Variants in ZNF646 observed in about 807,000 individuals in gnomAD.
ZNF646 encodes zinc finger protein 646.
ZNF646 carries 49 observed loss-of-function variants against 115.4 expected under a neutral mutation model. That is an observed-to-expected ratio of 0.42 (90% CI 0.34 to 0.54). The LOEUF (loss-of-function observed/expected upper bound fraction) is 0.54. Ranked by LOEUF, ZNF646 falls within the 20% of genes least tolerant of loss-of-function variation. The pLI, the probability that ZNF646 is intolerant of heterozygous loss-of-function variation, is 0.04. For synonymous variants in ZNF646, 933 were observed against 939.0 expected (o/e 0.99, Z 0.12); for missense variants, 2,269 against 2,457.9 (o/e 0.92, Z 1.62).
Position 31,079,189 on chromosome 16 carries a change from G to T in ZNF646, c.2865G>T (p.Gly955=). The change falls in exon 2 of 3, where the codon GGG becomes GGT. Residue 955 remains glycine, a synonymous_variant. Transcript: ENST00000300850. This position sits in a 1 kb window ranked among gnomAD's most constrained non-coding sequence, Gnocchi z 5.5. ...QREVEALDSA[G]YGHICGCCGQ... is the part of the protein sequence containing the mutation. ...AGGTGGAAGCGCTGGACAGTGCAGG[G>T]TATGGGCACATCTGTGGCTGCTGTG... 2 of 1,613,574 alleles carry T rather than the reference G, an allele frequency of 1.2e-6. No homozygotes were observed. The highest frequency in any genetic ancestry group is 1.7e-6 in the Non-Finnish European group (2 of 1,180,034).
chr16:31,083,510 C>T lies in ZNF646; in HGVS notation c.*418C>T. On this transcript the variant is annotated 3_prime_UTR_variant, in exon 3 of 3. Coordinates refer to ENST00000300850, the MANE Select transcript of ZNF646 (RefSeq NM_014699.4). ...CCCCCAAAAAAAGAAATTTTCAAAA[C>T]AACGTGGCTGGCGTGATTGTATCTG... is the stretch of plus-strand genomic sequence containing the variant. 7.5e-7 allele frequency: 1 copy of T among 1,336,528 alleles called. No individual in the cohort carries two copies. Among genetic ancestry groups the T allele is most frequent in the Non-Finnish European group, 9.6e-7 (1 of 1,040,132 alleles). The allele number at this position is 1,336,528 out of a possible 1,614,324, so 82.8% of individuals were successfully genotyped here.
Position 31,083,896 on chromosome 16 carries a change from C to G in ZNF646, c.*804C>G. 6.4e-7 allele frequency: 1 copy of G among 1,563,374 alleles called. No individual in the cohort carries two copies. The highest frequency in any genetic ancestry group is 8.7e-7 in the Non-Finnish European group (1 of 1,149,350). On this transcript the variant is annotated 3_prime_UTR_variant, in exon 3 of 3. Transcript: ENST00000300850. ...TCCCCATTCCTCGAAGGAACAGGGT[C>G]TGTCTTGGCCGCCATGACAGATGAG...
In ZNF646 at chr16:31,081,652, C is replaced by T. The variant is rs764501778; in HGVS notation, c.5328C>T (p.Phe1776=). 3.7e-6 allele frequency: 6 copies of T among 1,605,832 alleles called. No homozygotes were observed. The African/African-American group carries it at 4.0e-5, about 11-fold the overall frequency. The change falls in exon 2 of 3, where the codon TTC becomes TTT. Residue 1776 remains phenylalanine (F), a synonymous_variant. Transcript: ENST00000300850. ...CPRHFRRRIS[F]VQHQQQHQEE... ...GCCACTTCCGCCGCCGAATCAGCTTCGTGCAGCACCAGCAGCAGCACCAGG... is the reference window on the plus strand; with the variant it reads ...GCCACTTCCGCCGCCGAATCAGCTTTGTGCAGCACCAGCAGCAGCACCAGG...
In ZNF646 at chr16:31,080,192, C is replaced by G. The variant is rs368825645; in HGVS notation, c.3868C>G (p.Arg1290Gly). The G allele has an allele frequency of 1.9e-5, 31 of 1,609,024 alleles. No homozygotes were observed. The African/African-American group carries it at 2.8e-4, about 15-fold the overall frequency. ...GGAACGGCGTGGGGGTGGGGGCACC[C>G]GAAAGGCGACTCGGGAAGATCGGCC... ...HMERRGGGGT[R>G]KATREDRPFR... Residue 1290 changes from arginine (R) to glycine (G), a missense_variant, in exon 2 of 3, where the codon CGA (arginine) becomes GGA (glycine). Physicochemically the swap from Arg to Gly is moderately radical, Grantham distance 125. Coordinates refer to ENST00000300850, the MANE Select transcript of ZNF646 (RefSeq NM_014699.4).
In ZNF646 at chr16:31,080,005, C is replaced by T. The variant is rs781152870; in HGVS notation, c.3681C>T (p.Thr1227=). 42 of 1,603,536 alleles carry T rather than the reference C, an allele frequency of 2.6e-5. No homozygotes were observed. The highest frequency in any genetic ancestry group is 2.4e-4 in the South Asian group (22 of 90,464). The change falls in exon 2 of 3, where the codon ACC becomes ACT. Residue 1227 remains threonine, a synonymous_variant. Coordinates refer to ENST00000300850, the MANE Select transcript of ZNF646 (RefSeq NM_014699.4). ...SLINHRQSHQ[T]GHFGCQACSK... ...TCAACCACCGGCAGAGCCACCAGAC[C>T]GGCCACTTTGGCTGTCAGGCCTGCT...
Position 31,081,160 on chromosome 16 carries a change from C to G in ZNF646, c.4836C>G (p.Ser1612Arg), listed in dbSNP as rs1207765795. Residue 1612 changes from serine (S) to arginine (R), a missense_variant, in exon 2 of 3, where the codon AGC becomes AGG. Physicochemically the swap from Ser to Arg is moderately radical, Grantham distance 110. Around this residue, in one of 5 missense-constraint regions of ZNF646, gnomAD observed 1,062 missense variants for 1,172.8 expected, o/e 0.91. Coordinates refer to ENST00000300850, the MANE Select transcript of ZNF646 (RefSeq NM_014699.4). ...SHLQAHARGH[S>R]QVPAQMEEAR... ...TGCAGGCTCATGCCCGGGGCCACAGCCAGGTGCCAGCCCAGATGGAGGAGG... is the reference window on the plus strand; with the variant it reads ...TGCAGGCTCATGCCCGGGGCCACAGGCAGGTGCCAGCCCAGATGGAGGAGG... The G allele has an allele frequency of 6.3e-7, 1 of 1,598,552 alleles. No homozygotes were observed. The highest frequency in any genetic ancestry group is 1.1e-5 in the South Asian group (1 of 89,464).
At position 31,078,343 on chromosome 16, in the gene ZNF646, G is replaced by T. The variant is rs142327798; in HGVS notation, c.2019G>T (p.Arg673=). Residue 673 remains arginine (R), a synonymous_variant, in exon 2 of 3, where the codon CGG becomes CGT. Coordinates refer to ENST00000300850, the MANE Select transcript of ZNF646 (RefSeq NM_014699.4). The stretch of plus-strand genomic sequence containing the variant: ...GGCACAGTCGGCGGCGGAGCAGGCG[G>T]CATCGGAAGCGGGCTGGCGGTGCCA... ...LRRHSRRRSR[R]HRKRAGGASG... is the part of the protein sequence containing the mutation. 2.4e-4 allele frequency: 388 copies of T among 1,613,384 alleles called. 2 individuals are homozygous for T. The Admixed American group carries it at 4.2e-3, about 18-fold the overall frequency.
Position 31,076,828 on chromosome 16 carries a change from C to T in ZNF646, c.504C>T (p.Thr168=). 6.2e-7 allele frequency: 1 copy of T among 1,614,130 alleles called. No individual in the cohort carries two copies. The highest frequency in any genetic ancestry group is 1.3e-5 in the African/African-American group (1 of 75,044). Residue 168 remains threonine (T), a synonymous_variant, in exon 2 of 3, where the codon ACC becomes ACT. Coordinates refer to ENST00000300850, the MANE Select transcript of ZNF646 (RefSeq NM_014699.4). ...AASGTWEDLP[T]RQREGLASHP... is the part of the protein sequence containing the mutation. Reference sequence around the variant, plus strand: ...CGGGTACGTGGGAAGATCTGCCCACCAGACAAAGAGAAGGCTTGGCAAGCC... The same window carrying T: ...CGGGTACGTGGGAAGATCTGCCCACTAGACAAAGAGAAGGCTTGGCAAGCC...
rs2057109946 is a variant in ZNF646 at position 31,078,599 on chromosome 16, G to C, written c.2275G>C (p.Glu759Gln). The C allele has an allele frequency of 1.9e-6, 3 of 1,613,700 alleles. No homozygotes were observed. The highest frequency in any genetic ancestry group is 2.2e-5 in the East Asian group (1 of 44,872). Reference protein sequence around the residue: ...QGDKESGGTGEGLERKDASLL... With the variant: ...QGDKESGGTGQGLERKDASLL... ...TGATAAAGAGAGCGGAGGCACTGGG[G>C]AAGGACTGGAAAGGAAGGATGCCAG... The change falls in exon 2 of 3, where the codon GAA becomes CAA. Residue 759 changes from glutamate (E) to glutamine (Q), a missense_variant. Coordinates refer to ENST00000300850, the MANE Select transcript of ZNF646 (RefSeq NM_014699.4).
chr16:31,079,859 G>T lies in ZNF646; in HGVS notation c.3535G>T (p.Gly1179Trp). ...EEVWEETTVK[G>W]EEIEPRLETA... ...GGTGTGGGAGGAGACCACTGTGAAG[G>T]GGGAGGAGATAGAGCCCAGGCTGGA... The change falls in exon 2 of 3, where the codon GGG becomes TGG. Residue 1179 changes from glycine (G) to tryptophan (W), a missense_variant. Gly to Trp is a radical substitution (Grantham distance 184). Around this residue, in one of 5 missense-constraint regions of ZNF646, gnomAD observed 1,062 missense variants for 1,172.8 expected, o/e 0.91. Transcript: ENST00000300850. The surrounding 1 kb of genome is among the most constrained non-coding windows in gnomAD (Gnocchi z 5.5). 1.9e-6 allele frequency: 3 copies of T among 1,613,226 alleles called. No homozygotes were observed. Among genetic ancestry groups the T allele is most frequent in the Non-Finnish European group, 2.5e-6 (3 of 1,179,440 alleles).
At position 31,078,033 on chromosome 16, in the gene ZNF646, A is replaced by T; in HGVS notation, c.1709A>T (p.Asp570Val). 1 of 1,614,184 alleles carries T rather than the reference A, an allele frequency of 6.2e-7. No individual in the cohort carries two copies. The highest frequency in any genetic ancestry group is 8.5e-7 in the Non-Finnish European group (1 of 1,180,038). Residue 570 changes from aspartate (D) to valine (V), a missense_variant, in exon 2 of 3, where the codon GAC becomes GTC. Asp to Val is a radical substitution (Grantham distance 152). Coordinates refer to ENST00000300850, the MANE Select transcript of ZNF646 (RefSeq NM_014699.4). ...GCCACGGACATCACCCCAGCAGCAG[A>T]CAAGACAGCAGCACATATCTGTAGC... ...EEATDITPAA[D>V]KTAAHICSIC...
chr16:31,083,228 G>T lies in ZNF646; in HGVS notation c.*136G>T. ...CCCTTGTGAAGAGGACCCAGATCTGGCTTCTTTCCCAAGGAGGGGGTGGGG... is the reference window on the plus strand; with the variant it reads ...CCCTTGTGAAGAGGACCCAGATCTGTCTTCTTTCCCAAGGAGGGGGTGGGG... On this transcript the variant is annotated 3_prime_UTR_variant, in exon 3 of 3. Coordinates refer to ENST00000300850, the MANE Select transcript of ZNF646 (RefSeq NM_014699.4). 7.5e-7 allele frequency: 1 copy of T among 1,342,054 alleles called. No homozygotes were observed. Among genetic ancestry groups the T allele is most frequent in the Non-Finnish European group, 9.9e-7 (1 of 1,007,870 alleles). The allele number at this position is 1,342,054 out of a possible 1,614,324, so 83.1% of individuals were successfully genotyped here.
In ZNF646 at chr16:31,080,196, A is replaced by G. The variant is rs946919593; in HGVS notation, c.3872A>G (p.Lys1291Arg). ...MERRGGGGTR[K>R]ATREDRPFRC... ...CGGCGTGGGGGTGGGGGCACCCGAA[A>G]GGCGACTCGGGAAGATCGGCCCTTC... The change falls in exon 2 of 3, where the codon AAG (lysine) becomes AGG (arginine). Residue 1291 changes from lysine to arginine, a missense_variant. Lys to Arg is a conservative substitution (Grantham distance 26). Coordinates refer to ENST00000300850, the MANE Select transcript of ZNF646 (RefSeq NM_014699.4). 6.2e-7 allele frequency: 1 copy of G among 1,608,718 alleles called. No homozygotes were observed. The highest frequency in any genetic ancestry group is 1.7e-5 in the Admixed American group (1 of 59,802).
rs1218801405 is a variant in ZNF646 at position 31,079,546 on chromosome 16, C to T, written c.3222C>T (p.His1074=). ...GGSLVNHRKI[H]QTGDFLCPVC... ...GCCTGGTGAACCACCGCAAGATCCACCAGACTGGAGACTTTCTCTGCCCTG... is the reference window on the plus strand; with the variant it reads ...GCCTGGTGAACCACCGCAAGATCCATCAGACTGGAGACTTTCTCTGCCCTG... The change falls in exon 2 of 3, where the codon CAC becomes CAT. Residue 1074 remains histidine (H), a synonymous_variant. Transcript: ENST00000300850. The surrounding 1 kb of genome is among the most constrained non-coding windows in gnomAD (Gnocchi z 5.5). The T allele has an allele frequency of 1.2e-6, 2 of 1,613,412 alleles. No homozygotes were observed. The highest frequency in any genetic ancestry group is 1.7e-6 in the Non-Finnish European group (2 of 1,180,036).
chr16:31,079,590 C>A lies in ZNF646; in HGVS notation c.3266C>A (p.Pro1089His). Residue 1089 changes from proline (P) to histidine (H), a missense_variant, in exon 2 of 3, where the codon CCC becomes CAC. Transcript: ENST00000300850. The surrounding 1 kb of genome is among the most constrained non-coding windows in gnomAD (Gnocchi z 5.5). ...FLCPVCSRCY[P>H]NLAAYRNHLR... ...TGCCCTGTCTGCTCCCGCTGCTACC[C>A]CAACCTGGCTGCCTACCGTAATCAT... The A allele has an allele frequency of 6.2e-7, 1 of 1,613,398 alleles. No individual in the cohort carries two copies. The highest frequency in any genetic ancestry group is 2.2e-5 in the East Asian group (1 of 44,882).
rs1156503359 is a variant in ZNF646, at chr16:31,083,166, CAGG to C, written c.*77_*79del. Reference sequence around the variant, plus strand: ...GAGGGGCTTGATCTCCACATTTTCTCAGGAGTAGTTCGGGCATCCCCATATCTT... The same window carrying C: ...GAGGGGCTTGATCTCCACATTTTCTCAGTAGTTCGGGCATCCCCATATCTT... On this transcript the variant is annotated 3_prime_UTR_variant, in exon 3 of 3. Coordinates refer to ENST00000300850, the MANE Select transcript of ZNF646 (RefSeq NM_014699.4). 7.8e-6 allele frequency: 12 copies of C among 1,539,254 alleles called. No homozygotes were observed. The highest frequency in any genetic ancestry group is 4.3e-5 in the Admixed American group (2 of 46,704).
intron 1 of ZNF646, among the ~76,000 whole-genome samples, chr16:31,075,417 C>T (rs911209160): frequency 6.6e-6 from 1 of 152,186 alleles, no homozygotes; most frequent in Non-Finnish European, 1.5e-5. Flanking sequence ...TCAGCCTCAG[C>T]CTCCTGAGTA....
rs1460525836 is a variant in ZNF646, at chr16:31,079,468, G to A, written c.3144G>A (p.Gln1048=). ...IQGGESLLEA[Q]PRPFRCNQCG... The stretch of plus-strand genomic sequence containing the variant: ...GTGGGGAAAGTTTGTTGGAGGCTCA[G>A]CCCCGCCCCTTCCGCTGCAACCAGT... Residue 1048 remains glutamine, a synonymous_variant, in exon 2 of 3, where the codon CAG becomes CAA. Transcript: ENST00000300850. The surrounding 1 kb of genome is among the most constrained non-coding windows in gnomAD (Gnocchi z 5.5). 6.2e-7 allele frequency: 1 copy of A among 1,613,522 alleles called. No homozygotes were observed. Among genetic ancestry groups the A allele is most frequent in the Non-Finnish European group, 8.5e-7 (1 of 1,179,898 alleles).
Position 31,084,053 on chromosome 16 carries a change from G to T in ZNF646, c.*961G>T. On this transcript the variant is annotated 3_prime_UTR_variant, in exon 3 of 3. Transcript: ENST00000300850. Reference sequence around the variant, plus strand: ...CAGCTGGAGTGGGTTAGAACGGCACGTTCTCACTGGAGAGAGAAGGGTCCT... The same window carrying T: ...CAGCTGGAGTGGGTTAGAACGGCACTTTCTCACTGGAGAGAGAAGGGTCCT... 1 of 1,528,160 alleles carries T rather than the reference G, an allele frequency of 6.5e-7. No individual in the cohort carries two copies. Among genetic ancestry groups the T allele is most frequent in the Non-Finnish European group, 8.8e-7 (1 of 1,135,360 alleles). 94.7% of individuals were successfully genotyped at this position (1,528,160 alleles called of 1,614,324 possible).
Sources: allele counts gnomAD v4.1 joint callset (sites outside exome capture counted in the v4.1 genomes callset), GRCh38; gene constraint gnomAD v4.1.1; regional missense constraint gnomAD v4.1.1; non-coding constraint Gnocchi (gnomAD v3.1); transcripts MANE v1.5; gene names NCBI Gene and HGNC (gene_info 2026-07-23, HGNC 2026-07-21).